The following STON1 variants were observed in gnomAD, a reference collection of about 807,000 sequenced individuals.
STON1 encodes the protein stonin-1.
STON1 carries 79 observed loss-of-function variants against 60.9 expected under a neutral mutation model. The observed-to-expected ratio is 1.30, with a 90% CI of 1.08 to 1.56. The LOEUF (loss-of-function observed/expected upper bound fraction) is 1.56, where lower values mean the gene tolerates loss of function less well. Among genes scored for constraint, STON1 ranks in the 40% most tolerant of loss-of-function variants. The probability of loss-of-function intolerance (pLI) is 0.00; values close to 1 mark genes in which losing one functional copy is unlikely to be tolerated. For missense variants in STON1, 1,166 were observed against 858.9 expected (o/e 1.36, Z -4.47); for synonymous variants, 363 against 306.9 (o/e 1.18, Z -1.91).
intron 2 of STON1, among the ~76,000 whole-genome samples, chr2:48,583,796 A>C (rs1302968612): frequency 3.4e-4 from 49 of 143,270 alleles, no homozygotes; most frequent in African/African-American, 1.0e-3. Flanking sequence ...TTTCTCACCC[A>C]GGTGGAGTGC....
chr2:48,577,047 C>T (rs1359544637), intron 1 of STON1, among the ~76,000 whole-genome samples: 1 of 140,292 alleles, frequency 7.1e-6, no homozygotes, highest in South Asian at 2.4e-4. Flanking sequence ...GAGCGAGATT[C>T]CATCTCAAAA....
intron 1 of STON1, among the ~76,000 whole-genome samples, chr2:48,575,703 A>C (rs1370965581): frequency 6.6e-6 from 1 of 150,398 alleles, no homozygotes; most frequent in African/African-American, 2.5e-5. Flanking sequence ...CTTTTGGATA[A>C]ATACCCGTAA....
chr2:48,594,562 G>GATAAATAA (rs556939586), intron 3 of STON1, among the ~76,000 whole-genome samples: 8 of 151,932 alleles, frequency 5.3e-5, no homozygotes, highest in African/African-American at 1.5e-4. Context: ...ATAGTTAGTA[G>GATAAATAA]ATAAATAAAT....
At chr2:48,531,111 CG>C (rs1318263892) in intron 1 of STON1, 2 of 152,182 alleles carry the variant, frequency 1.3e-5, no homozygotes, top group African/African-American at 4.8e-5. Flanking sequence ...AGTCCACACT[CG>C]ACTGTTTTCC....
intron 1 of STON1, among the ~76,000 whole-genome samples, chr2:48,544,528 GGTTT>G (rs1443171516): frequency 6.6e-6 from 1 of 151,970 alleles, no homozygotes; most frequent in Non-Finnish European, 1.5e-5. Context: ...AAGTTTTTTT[GGTTT>G]GTTTTCGTTT....
chr2:48,590,540 T>C (rs1320115516), intron 2 of STON1, among the ~76,000 whole-genome samples: 1 of 151,994 alleles, frequency 6.6e-6, no homozygotes, highest in Non-Finnish European at 1.5e-5. Flanking sequence ...GATAGCCACA[T>C]TAGATATGGA....
chr2:48,580,590 C>G lies in STON1; in HGVS notation c.-44C>G. 4 of 1,320,276 alleles carry G rather than the reference C, an allele frequency of 3.0e-6. No individual in the cohort carries two copies. The highest frequency in any genetic ancestry group is 3.9e-6 in the Non-Finnish European group (4 of 1,026,308). The allele number at this position is 1,320,276 out of a possible 1,614,324, so 81.8% of individuals were successfully genotyped here. ...CTTTATTTTATTTTTTTAACAGAGTCAACCTATTTGATTTCTTGACAAGAC... is the reference window on the plus strand; with the variant it reads ...CTTTATTTTATTTTTTTAACAGAGTGAACCTATTTGATTTCTTGACAAGAC... On this transcript the variant is annotated 5_prime_UTR_variant, in exon 2 of 4. Coordinates refer to ENST00000404752, the MANE Select transcript of STON1 (RefSeq NM_006873.4).
At position 48,581,699 on chromosome 2, in the gene STON1, G is replaced by GA. The variant is rs1161270933; in HGVS notation, c.1072dup (p.Arg358LysfsTer6). On this transcript the variant is annotated frameshift_variant, in exon 2 of 4. Transcript: ENST00000404752. LOFTEE classifies it high-confidence loss of function. ...GAAGATTGAACATGTGTCTTACACAGAAAAAAGGAAATACCATTCTAAGAC... is the reference window on the plus strand; with the variant it reads ...GAAGATTGAACATGTGTCTTACACAGAAAAAAAGGAAATACCATTCTAAGAC... 6 of 1,607,766 alleles carry GA rather than the reference G, an allele frequency of 3.7e-6. No homozygotes were observed. The highest frequency in any genetic ancestry group is 4.2e-6 in the Non-Finnish European group (5 of 1,178,412).
At chr2:48,587,117 C>T (rs1355852188) in intron 2 of STON1, among the ~76,000 whole-genome samples, 1 of 152,154 alleles carries the variant, frequency 6.6e-6, no homozygotes, top group Non-Finnish European at 1.5e-5. Flanking sequence ...TGGGCCCCAT[C>T]CCCTACTAAT....
chr2:48,530,555 C>T (rs1290154345), intron 1 of STON1: 3 of 154,098 alleles, frequency 1.9e-5, no homozygotes, highest in African/African-American at 4.8e-5. Context: ...CGTTCTCACC[C>T]GCGCGCGGCC....
intron 1 of STON1, among the ~76,000 whole-genome samples, chr2:48,575,408 C>G (rs1673424686): frequency 6.6e-6 from 1 of 152,026 alleles, no homozygotes; most frequent in Admixed American, 6.6e-5. Context: ...AATCCCAGCA[C>G]TTTGGGAGGC....
chr2:48,580,511 G>A, intron 1 of STON1, 76 bp from the exon 2 acceptor site: 3 of 1,259,122 alleles, frequency 2.4e-6, no homozygotes, highest in Non-Finnish European at 3.0e-6. Context: ...GCATTTATCA[G>A]AAGTAAAGAC....
At chr2:48,558,940 A>T (rs1672497957) in intron 1 of STON1, among the ~76,000 whole-genome samples, 1 of 152,230 alleles carries the variant, frequency 6.6e-6, no homozygotes, top group South Asian at 2.1e-4. Flanking sequence ...CCAAAATCTG[A>T]AATCTCGAAA....
At chr2:48,591,513 A>C in intron 2 of STON1, 140 bp from the exon 3 acceptor site, 2 of 1,153,008 alleles carry the variant, frequency 1.7e-6, no homozygotes, top group Non-Finnish European at 2.4e-6. Flanking sequence ...TTTTCATGGT[A>C]TGTTGTTTAA....
At chr2:48,593,120 G>A (rs555763080) in intron 3 of STON1, among the ~76,000 whole-genome samples, 2 of 152,076 alleles carry the variant, frequency 1.3e-5, no homozygotes, top group African/African-American at 4.8e-5. Context: ...TGTTTAAAAG[G>A]TTTTCTTTAT....
At chr2:48,579,271 C>T (rs1389534626) in intron 1 of STON1, among the ~76,000 whole-genome samples, 1 of 151,374 alleles carries the variant, frequency 6.6e-6, no homozygotes, top group Non-Finnish European at 1.5e-5. Flanking sequence ...TCCCAAAGTG[C>T]TGGGATTATA....
chr2:48,575,664 A>AAAT (rs1419973046), intron 1 of STON1, among the ~76,000 whole-genome samples: 1 of 151,764 alleles, frequency 6.6e-6, no homozygotes, highest in Non-Finnish European at 1.5e-5. Context: ...AAAAATAAAT[A>AAAT]AATAAATAAA....
intron 1 of STON1, among the ~76,000 whole-genome samples, chr2:48,572,008 C>CA (rs1186007016): frequency 1.3e-5 from 2 of 151,994 alleles, no homozygotes; most frequent in African/African-American, 4.8e-5. Context: ...ACTAAAAATA[C>CA]AAAAATTAGC....
At chr2:48,533,752 T>G (rs189051297) in intron 1 of STON1, among the ~76,000 whole-genome samples, 1 of 147,122 alleles carries the variant, frequency 6.8e-6, no homozygotes, top group Non-Finnish European at 1.5e-5. Flanking sequence ...TATAAGAATG[T>G]TGAATTACAC....
Sources: gnomAD v4.1 joint callset for allele counts (sites outside exome capture counted in the v4.1 genomes callset) on GRCh38, gnomAD v4.1.1 for gene constraint, MANE v1.5 for transcripts, NCBI Gene and HGNC (gene_info 2026-07-23, HGNC 2026-07-21) for gene names.